The following LRRN4 variants were observed in gnomAD, a reference collection of about 807,000 sequenced individuals.
LRRN4 encodes leucine rich repeat neuronal 4.
Under a neutral mutation model 22.3 loss-of-function variants are expected in LRRN4, and 26 were observed. That is an observed-to-expected ratio of 1.16 (90% CI 0.85 to 1.62). LRRN4 has a LOEUF of 1.62. Among genes scored for constraint, LRRN4 ranks in the 40% most tolerant of loss-of-function variants. The pLI, the probability that LRRN4 is intolerant of heterozygous loss-of-function variation, is 0.00. For missense variants in LRRN4, 1,070 were observed against 1,008.5 expected (o/e 1.06, Z -0.83); for synonymous variants, 496 against 486.2 (o/e 1.02, Z -0.26).
rs755952876 is a variant in LRRN4, at chr20:6,041,418, C to G, written c.1827G>C (p.Gly609=). Residue 609 remains glycine, a synonymous_variant, in exon 5 of 5, where the codon GGG becomes GGC. Transcript: ENST00000378858. This position sits in a 1 kb window ranked among gnomAD's most constrained non-coding sequence, Gnocchi z 9.4. ...HWCAPNSVVH[G]YQIRYSAEGW... is the part of the protein sequence containing the mutation. ...CCTCCGCAGAGTAGCGGATCTGGTA[C>G]CCATGCACTACCGAGTTGGGGGCAC... is the stretch of plus-strand genomic sequence containing the variant. 14 of 1,561,382 alleles carry G rather than the reference C, an allele frequency of 9.0e-6. No individual in the cohort carries two copies. The highest frequency in any genetic ancestry group is 1.7e-4 in the Middle Eastern group (1 of 5,836).
At position 6,040,754 on chromosome 20, in the gene LRRN4, C is replaced by T. The variant is rs988872304; in HGVS notation, c.*268G>A. ...TGACTGCTGAAAACCGCAAATGAAC[C>T]AACAACACACAAGAAGGCCTGGCGG... On this transcript the variant is annotated 3_prime_UTR_variant, in exon 5 of 5. Coordinates refer to ENST00000378858, the MANE Select transcript of LRRN4 (RefSeq NM_152611.5). 1 of 512,132 alleles carries T rather than the reference C, an allele frequency of 2.0e-6. No homozygotes were observed. Among genetic ancestry groups the T allele is most frequent in the African/African-American group, 2.0e-5 (1 of 51,084 alleles). 31.7% of individuals were successfully genotyped at this position (512,132 alleles called of 1,614,324 possible).
At position 6,041,706 on chromosome 20, in the gene LRRN4, ACT is replaced by A. The variant is rs745922675; in HGVS notation, c.1537_1538del (p.Leu514PhefsTer15). On this transcript the variant is annotated frameshift_variant, in exon 5 of 5. Transcript: ENST00000378858. LOFTEE classifies it low-confidence loss of function (END_TRUNC). The surrounding 1 kb of genome is among the most constrained non-coding windows in gnomAD (Gnocchi z 9.4). ...THATPQAPNP[S>X]LSEGEIPVLL... Reference sequence around the variant, plus strand: ...AGACTGGAATCTCGCCCTCGGAAAGACTCGGGTTGGGGGCTTGGGGTGTGGCG... The same window carrying A: ...AGACTGGAATCTCGCCCTCGGAAAGACGGGTTGGGGGCTTGGGGTGTGGCG... The A allele has an allele frequency of 1.6e-5, 25 of 1,612,648 alleles. No homozygotes were observed. The Admixed American group carries it at 4.0e-4, about 26-fold the overall frequency.
At chr20:6,051,483 T>C (rs1039625127) in intron 2 of LRRN4, among the ~76,000 whole-genome samples, 1 of 152,172 alleles carries the variant, frequency 6.6e-6, no homozygotes, top group African/African-American at 2.4e-5. Flanking sequence ...TTCTAGCTGT[T>C]TTTTCTCTTT....
In LRRN4 at chr20:6,050,863, T is replaced by C. The variant is rs145098571; in HGVS notation, c.776A>G (p.Asp259Gly). The C allele has an allele frequency of 1.0e-3, 1,624 of 1,614,084 alleles. 5 individuals are homozygous for C. Among genetic ancestry groups the C allele is most frequent in the Middle Eastern group, 7.3e-3 (44 of 6,062 alleles). The change falls in exon 3 of 5, where the codon GAC becomes GGC. Residue 259 changes from aspartate (D) to glycine (G), a missense_variant. Coordinates refer to ENST00000378858, the MANE Select transcript of LRRN4 (RefSeq NM_152611.5). ...FKMTPNLQQL[D>G]CQDSPALASV... ...AGCAAGTGCTGGGGAGTCCTGACAG[T>C]CCAGCTGCTGCAGGTTGGGGGTCAT... is the stretch of plus-strand genomic sequence containing the variant.
chr20:6,047,613 C>G (rs186495562), intron 3 of LRRN4, among the ~76,000 whole-genome samples: 1 of 149,398 alleles, frequency 6.7e-6, no homozygotes, highest in Non-Finnish European at 1.5e-5. Context: ...GATGAAACCC[C>G]GTCTTAACTA....
chr20:6,048,229 T>A (rs372988691), intron 3 of LRRN4, among the ~76,000 whole-genome samples: 1 of 152,060 alleles, frequency 6.6e-6, no homozygotes, highest in Non-Finnish European at 1.5e-5. Context: ...TCCTGGTTTT[T>A]CTGCTACTCC....
chr20:6,044,595 T>C lies in LRRN4; in HGVS notation c.946A>G (p.Ser316Gly). The stretch of plus-strand genomic sequence containing the variant: ...GTGAGGAGCCAAGACAAGTCACAAC[T>C]GCAAGTGAGGGGGTTGCCAAAGAGG... The part of the protein sequence containing the change: ...INLFGNPLTC[S>G]CDLSWLLTDA... Residue 316 changes from serine (S) to glycine (G), a missense_variant, in exon 4 of 5, where the codon AGT becomes GGT. Ser to Gly is a moderately conservative substitution (Grantham distance 56). Coordinates refer to ENST00000378858, the MANE Select transcript of LRRN4 (RefSeq NM_152611.5). 6.3e-7 allele frequency: 1 copy of C among 1,594,598 alleles called. No homozygotes were observed. The highest frequency in any genetic ancestry group is 1.7e-4 in the Middle Eastern group (1 of 6,034).
intron 3 of LRRN4, among the ~76,000 whole-genome samples, chr20:6,050,519 TA>T (rs1981217623): frequency 6.6e-6 from 1 of 152,206 alleles, no homozygotes; most frequent in Admixed American, 6.5e-5. Context: ...AGACTGGGCT[TA>T]AAATAAACTT....
At chr20:6,042,532 C>T (rs760677718) in intron 4 of LRRN4, among the ~76,000 whole-genome samples, 17 of 152,244 alleles carry the variant, frequency 1.1e-4, no homozygotes, top group Non-Finnish European at 1.8e-4. Flanking sequence ...GAGCCTACCC[C>T]GGGGCAAGCA....
intron 3 of LRRN4, among the ~76,000 whole-genome samples, chr20:6,049,613 G>A (rs2123057379): frequency 6.6e-6 from 1 of 152,174 alleles, no homozygotes; most frequent in Non-Finnish European, 1.5e-5. Flanking sequence ...CAATTCTCCT[G>A]CCTCAGCTTC....
intron 2 of LRRN4, 92 bp from the exon 3 acceptor site, chr20:6,051,075 G>T: frequency 9.2e-7 from 1 of 1,087,368 alleles, no homozygotes; most frequent in Non-Finnish European, 1.4e-6. Flanking sequence ...GTGGCAAGGT[G>T]AATGGTGAAG....
intron 3 of LRRN4, among the ~76,000 whole-genome samples, chr20:6,048,121 C>T (rs1403398289): frequency 6.6e-6 from 1 of 152,148 alleles, no homozygotes; most frequent in Non-Finnish European, 1.5e-5. Flanking sequence ...ATCCCGTGGT[C>T]ACCCCATTCT....
At chr20:6,047,762 T>C (rs1981144803) in intron 3 of LRRN4, among the ~76,000 whole-genome samples, 1 of 145,566 alleles carries the variant, frequency 6.9e-6, no homozygotes, top group South Asian at 2.2e-4. Context: ...CTGCACTCCA[T>C]CCTGGTGGCA....
At position 6,050,190 on chromosome 20, in the gene LRRN4, C is replaced by A. The variant is rs1600407939; in HGVS notation, c.860+589G>T. 2.0e-5 allele frequency among the ~76,000 whole-genome samples: 3 copies of A among 152,222 alleles called. No individual in the cohort carries two copies. In the South Asian group the frequency reaches 6.2e-4, roughly 31 times the overall value. ...TCTGAGCCAGAGATACAAAGCATTT[C>A]TCCTCACAACATCGTGTGCTCAATA... On this transcript the variant is annotated intron_variant, in intron 3 of 4. Transcript: ENST00000378858.
chr20:6,040,986 T>C lies in LRRN4; in HGVS notation c.*36A>G. On this transcript the variant is annotated 3_prime_UTR_variant, in exon 5 of 5. Coordinates refer to ENST00000378858, the MANE Select transcript of LRRN4 (RefSeq NM_152611.5). ...CTGTGTCTTCCTTTTTGCGCTCAGATCCAGTTCGATGAGACGCGTTATCCC... is the reference window on the plus strand; with the variant it reads ...CTGTGTCTTCCTTTTTGCGCTCAGACCCAGTTCGATGAGACGCGTTATCCC... 6.2e-7 allele frequency: 1 copy of C among 1,610,474 alleles called. No individual in the cohort carries two copies. Among genetic ancestry groups the C allele is most frequent in the Non-Finnish European group, 8.5e-7 (1 of 1,178,386 alleles).
intron 2 of LRRN4, among the ~76,000 whole-genome samples, chr20:6,051,675 A>G (rs773140903): frequency 6.6e-6 from 1 of 152,200 alleles, no homozygotes; most frequent in Non-Finnish European, 1.5e-5. Flanking sequence ...AAATCAGTGA[A>G]TTCATCCTGG....
At position 6,040,952 on chromosome 20, in the gene LRRN4, T is replaced by A; in HGVS notation, c.*70A>T. 1 of 1,582,362 alleles carries A rather than the reference T, an allele frequency of 6.3e-7. No individual in the cohort carries two copies. The highest frequency in any genetic ancestry group is 8.6e-7 in the Non-Finnish European group (1 of 1,164,770). On this transcript the variant is annotated 3_prime_UTR_variant, in exon 5 of 5. Coordinates refer to ENST00000378858, the MANE Select transcript of LRRN4 (RefSeq NM_152611.5). ...AACCCTAGGAGCGGATGGGGTCGTT[T>A]TTGACCGTCTGTGTCTTCCTTTTTG... is the stretch of plus-strand genomic sequence containing the variant.
intron 1 of LRRN4, 127 bp downstream of exon 1, chr20:6,053,703 A>T (rs1343269351): frequency 6.6e-6 from 1 of 152,252 alleles, no homozygotes; most frequent in Non-Finnish European, 1.5e-5. Context: ...TGACCAGTAG[A>T]TCTCCGAGTC....
intron 3 of LRRN4, among the ~76,000 whole-genome samples, chr20:6,046,928 C>G (rs538722124): frequency 6.6e-6 from 1 of 151,742 alleles, no homozygotes; most frequent in African/African-American, 2.4e-5. Flanking sequence ...AAAGGAAATG[C>G]TTTTCTTTTT....
Sources: gnomAD v4.1 joint callset for allele counts (sites outside exome capture counted in the v4.1 genomes callset) on GRCh38, gnomAD v4.1.1 for gene constraint, Gnocchi (gnomAD v3.1) non-coding constraint, MANE v1.5 for transcripts, NCBI Gene and HGNC (gene_info 2026-07-23, HGNC 2026-07-21) for gene names.